ANKRD52: variants seen among roughly 807,000 people sequenced by gnomAD.
The protein encoded by ANKRD52 is ankyrin repeat domain 52.
In ANKRD52, 7 loss-of-function variants were observed where a neutral mutation model predicts 116.0. The ratio of observed to expected loss-of-function variants is 0.06; its 90% CI spans 0.03 to 0.11. The LOEUF (loss-of-function observed/expected upper bound fraction) is 0.11. ANKRD52 is among the 10% of genes least tolerant of loss of function. The probability of loss-of-function intolerance (pLI) is 1.00; values close to 1 mark genes in which losing one functional copy is unlikely to be tolerated. For missense variants in ANKRD52, 839 were observed against 1,408.6 expected (o/e 0.60, Z 6.47); for synonymous variants, 528 against 578.1 (o/e 0.91, Z 1.24).
chr12:56,240,095 G>A lies in ANKRD52; in HGVS notation c.*3047C>T, dbSNP rs1163218044. On this transcript the variant is annotated 3_prime_UTR_variant, in exon 28 of 28. Transcript: ENST00000267116. This position sits in a 1 kb window ranked among gnomAD's most constrained non-coding sequence, Gnocchi z 4.2. ...CCCAACCTGGGCTGTACATTCAGTGGTTTTCAGCAGTCCTATGGCTCAGGG... is the reference window on the plus strand; with the variant it reads ...CCCAACCTGGGCTGTACATTCAGTGATTTTCAGCAGTCCTATGGCTCAGGG... The A allele has an allele frequency of 1.3e-5, 2 of 152,148 alleles. No homozygotes were observed. Among genetic ancestry groups the A allele is most frequent in the Non-Finnish European group, 2.9e-5 (2 of 68,072 alleles). 9.4% of individuals were successfully genotyped at this position (152,148 alleles called of 1,614,324 possible). A position where few individuals can be genotyped will look rare whatever the true frequency, so the allele number is the denominator to read the frequency against.
chr12:56,253,814 G>A lies in ANKRD52; in HGVS notation c.907-14C>T. On this transcript the variant is annotated splice_polypyrimidine_tract_variant and intron_variant, in intron 8 of 27. Transcript: ENST00000267116. This position sits in a 1 kb window ranked among gnomAD's most constrained non-coding sequence, Gnocchi z 5.5. ...CCCTTCTTTGCTCTGTGGAAACATG[G>A]TGGGTTTTTGTTTTTGTTTTTTTTT... 1 of 1,613,032 alleles carries A rather than the reference G, an allele frequency of 6.2e-7. No homozygotes were observed. Among genetic ancestry groups the A allele is most frequent in the Non-Finnish European group, 8.5e-7 (1 of 1,179,476 alleles).
chr12:56,244,032 C>T lies in ANKRD52; in HGVS notation c.2888+19G>A, dbSNP rs984467775. On this transcript the variant is annotated intron_variant, in intron 26 of 27. Coordinates refer to ENST00000267116, the MANE Select transcript of ANKRD52 (RefSeq NM_173595.4). This position sits in a 1 kb window ranked among gnomAD's most constrained non-coding sequence, Gnocchi z 4.9. ...CACTGGCCTCCCCCAGCCAGGAGCC[C>T]CCTTCCCCAGGCACTCACATCTGCA... 9 of 1,613,264 alleles carry T rather than the reference C, an allele frequency of 5.6e-6. No homozygotes were observed. The highest frequency in any genetic ancestry group is 7.6e-6 in the Non-Finnish European group (9 of 1,179,664).
rs1238545353 is a variant in ANKRD52 at position 56,244,533 on chromosome 12, C to T, written c.2723-98G>A. The T allele has an allele frequency of 4.4e-6, 7 of 1,597,092 alleles. No individual in the cohort carries two copies. Among genetic ancestry groups the T allele is most frequent in the Non-Finnish European group, 8.5e-7 (1 of 1,170,340 alleles). On this transcript the variant is annotated intron_variant, in intron 24 of 27. Coordinates refer to ENST00000267116, the MANE Select transcript of ANKRD52 (RefSeq NM_173595.4). The surrounding 1 kb of genome is among the most constrained non-coding windows in gnomAD (Gnocchi z 4.9). ...ATCCCGTCTGCAGATGGCGAGACAT[C>T]CAAAGACAACCCTCTTGCTTTCTGA...
In ANKRD52 at chr12:56,245,462, C is replaced by G. The variant is rs777217769; in HGVS notation, c.2319G>C (p.Leu773=). The part of the protein sequence containing the change: ...ACGHTAVLRT[L]LQAALSTDPL... ...GATCTGTGGAAAGGGCAGCCTGCAGCAGGGTCCGCAGTACTGCAGTGTGGC... is the reference window on the plus strand; with the variant it reads ...GATCTGTGGAAAGGGCAGCCTGCAGGAGGGTCCGCAGTACTGCAGTGTGGC... The change falls in exon 21 of 28, where the codon CTG becomes CTC. Residue 773 remains leucine (L), a synonymous_variant. Coordinates refer to ENST00000267116, the MANE Select transcript of ANKRD52 (RefSeq NM_173595.4). 4 of 1,612,774 alleles carry G rather than the reference C, an allele frequency of 2.5e-6. No individual in the cohort carries two copies. The highest frequency in any genetic ancestry group is 3.4e-6 in the Non-Finnish European group (4 of 1,179,476).
intron 20 of ANKRD52, among the ~76,000 whole-genome samples, chr12:56,246,300 G>A: frequency 6.6e-6 from 1 of 152,142 alleles, no homozygotes; most frequent in Non-Finnish European, 1.5e-5. Flanking sequence ...AAAGTGCTGG[G>A]ATTACAGACG....
rs2135874029 is a variant in ANKRD52, at chr12:56,241,251, T to C, written c.*1891A>G. 6.6e-6 allele frequency: 1 copy of C among 151,992 alleles called. No homozygotes were observed. The highest frequency in any genetic ancestry group is 2.4e-5 in the African/African-American group (1 of 41,446). 9.4% of individuals were successfully genotyped at this position (151,992 alleles called of 1,614,324 possible). ...TAATGGTCATTTGGAAGCCTTGAAA[T>C]GATTTAGGAACTGAGGGTTGGGAGA... On this transcript the variant is annotated 3_prime_UTR_variant, in exon 28 of 28. Transcript: ENST00000267116.
chr12:56,242,482 G>A lies in ANKRD52; in HGVS notation c.*660C>T. ...CCTTGATTTGCATATGAGGAGCCAG[G>A]GGAGAGTGCAGGATTGGGGCCCAGG... On this transcript the variant is annotated 3_prime_UTR_variant, in exon 28 of 28. Coordinates refer to ENST00000267116, the MANE Select transcript of ANKRD52 (RefSeq NM_173595.4). This position sits in a 1 kb window ranked among gnomAD's most constrained non-coding sequence, Gnocchi z 4.3. 1 of 300,282 alleles carries A rather than the reference G, an allele frequency of 3.3e-6. No individual in the cohort carries two copies. The highest frequency in any genetic ancestry group is 6.1e-6 in the Non-Finnish European group (1 of 163,790). The allele number at this position is 300,282 out of a possible 1,614,324, so 18.6% of individuals were successfully genotyped here. A position where few individuals can be genotyped will look rare whatever the true frequency, so the allele number is the denominator to read the frequency against.
At chr12:56,256,112 C>A in intron 4 of ANKRD52, 128 bp from the exon 5 acceptor site, 1 of 924,204 alleles carries the variant, frequency 1.1e-6, no homozygotes, top group Non-Finnish European at 1.6e-6. Flanking sequence ...CTCATTTTTC[C>A]AACATACCTA....
Position 56,237,857 on chromosome 12 carries a change from C to A in ANKRD52, c.*5285G>T. On this transcript the variant is annotated 3_prime_UTR_variant, in exon 28 of 28. Coordinates refer to ENST00000267116, the MANE Select transcript of ANKRD52 (RefSeq NM_173595.4). ...AGAACCCATCCCAAAGCCATGACTA[C>A]GACAGTTGTACTTGCACCAAAACAG... 1 of 1,189,262 alleles carries A rather than the reference C, an allele frequency of 8.4e-7. No homozygotes were observed. 73.7% of individuals were successfully genotyped at this position (1,189,262 alleles called of 1,614,324 possible).
intron 15 of ANKRD52, among the ~76,000 whole-genome samples, chr12:56,249,079 C>G (rs1000156605): frequency 7.2e-5 from 11 of 152,246 alleles, no homozygotes; most frequent in African/African-American, 2.4e-4. Context: ...CTGAACCCCT[C>G]TGGCTTCAAT....
chr12:56,247,838 T>C (rs1871490622), intron 18 of ANKRD52, 64 bp from the exon 19 acceptor site: 1 of 1,525,214 alleles, frequency 6.6e-7, no homozygotes, highest in African/African-American at 1.4e-5. Context: ...AGGTCAAGCC[T>C]AAAGGACTTG....
chr12:56,243,294 C>T lies in ANKRD52; in HGVS notation c.3079G>A (p.Val1027Ile), dbSNP rs759566321. The T allele has an allele frequency of 3.1e-5, 50 of 1,614,004 alleles. No homozygotes were observed. In the East Asian group the frequency reaches 5.8e-4, roughly 19 times the overall value. Residue 1027 changes from valine (V) to isoleucine (I), a missense_variant, in exon 28 of 28, where the codon GTC becomes ATC. This residue lies in a region of ANKRD52 where 552 missense variants were observed against 810.6 expected (regional missense o/e 0.68). Transcript: ENST00000267116. The surrounding 1 kb of genome is among the most constrained non-coding windows in gnomAD (Gnocchi z 4.6). ...TMKPFPPKDA[V>I]SPFSFSLLKN... is the part of the protein sequence containing the mutation. ...AGCAGGCTGAAGCTGAAAGGACTGA[C>T]GGCGTCCTTGGGTGGGAAAGGCTTC...
Position 56,242,172 on chromosome 12 carries a change from TATAC to T in ANKRD52, c.*966_*969del. ...AGGAAGAACATGGTCCCTCCCTCCA[TATAC>T]ATGCAAACACATGCCTGAAACACAG... On this transcript the variant is annotated 3_prime_UTR_variant, in exon 28 of 28. Transcript: ENST00000267116. The surrounding 1 kb of genome is among the most constrained non-coding windows in gnomAD (Gnocchi z 4.3). 1 of 398,628 alleles carries T rather than the reference TATAC, an allele frequency of 2.5e-6. No homozygotes were observed. Among genetic ancestry groups the T allele is most frequent in the Non-Finnish European group, 4.4e-6 (1 of 226,078 alleles). The allele number at this position is 398,628 out of a possible 1,614,324, so 24.7% of individuals were successfully genotyped here. A position where few individuals can be genotyped will look rare whatever the true frequency, so the allele number is the denominator to read the frequency against.
In ANKRD52 at chr12:56,244,896, C is replaced by A. The variant is rs771446910; in HGVS notation, c.2576+10G>T. 1.2e-6 allele frequency: 2 copies of A among 1,613,946 alleles called. No individual in the cohort carries two copies. The highest frequency in any genetic ancestry group is 1.7e-6 in the Non-Finnish European group (2 of 1,179,868). On this transcript the variant is annotated intron_variant, in intron 23 of 27. Transcript: ENST00000267116. The surrounding 1 kb of genome is among the most constrained non-coding windows in gnomAD (Gnocchi z 4.9). ...CAACTGGGATTCTTCCCAAGTCTTC[C>A]ATCACTCACCGTCCTTTGGCATCTC...
At position 56,243,613 on chromosome 12, in the gene ANKRD52, C is replaced by T. The variant is rs1375860848; in HGVS notation, c.2980+172G>A. On this transcript the variant is annotated intron_variant, in intron 27 of 27. Coordinates refer to ENST00000267116, the MANE Select transcript of ANKRD52 (RefSeq NM_173595.4). The surrounding 1 kb of genome is among the most constrained non-coding windows in gnomAD (Gnocchi z 4.6). The stretch of plus-strand genomic sequence containing the variant: ...GTCAAAGCCTAGGGTGTGGAGTCCT[C>T]CTGACCCTGCAGGCTCCCCTCTGAG... 6.6e-6 allele frequency among the ~76,000 whole-genome samples: 1 copy of T among 152,174 alleles called. No homozygotes were observed. The highest frequency in any genetic ancestry group is 1.5e-5 in the Non-Finnish European group (1 of 68,026).
At chr12:56,258,200 C>A (rs1186402194) in intron 1 of ANKRD52, 43 bp downstream of exon 1, 2 of 1,589,648 alleles carry the variant, frequency 1.3e-6, no homozygotes, top group South Asian at 1.1e-5. Flanking sequence ...ACGGCAGCGC[C>A]GAGCCCTGGA....
In ANKRD52 at chr12:56,258,342, G is replaced by C. The variant is rs1300219133; in HGVS notation, c.-73C>G. ...GCGGCTCCACCGGGGACACGGAGCG[G>C]CCCAGGCGGCGGCTGCGGTGGCGGC... On this transcript the variant is annotated 5_prime_UTR_variant, in exon 1 of 28. Transcript: ENST00000267116. 1 of 1,402,654 alleles carries C rather than the reference G, an allele frequency of 7.1e-7. No homozygotes were observed. Among genetic ancestry groups the C allele is most frequent in the South Asian group, 1.6e-5 (1 of 63,516 alleles). 86.9% of individuals were successfully genotyped at this position (1,402,654 alleles called of 1,614,324 possible).
chr12:56,252,686 G>A lies in ANKRD52; in HGVS notation c.1301+94C>T. On this transcript the variant is annotated intron_variant, in intron 12 of 27. Transcript: ENST00000267116. This position sits in a 1 kb window ranked among gnomAD's most constrained non-coding sequence, Gnocchi z 4.7. ...TTTCTGCTGTGACTGCTTTCATTGT[G>A]AGAGGGGGAATAGATCTGGGCAGGC... The A allele has an allele frequency of 6.5e-7, 1 of 1,535,664 alleles. No individual in the cohort carries two copies. The highest frequency in any genetic ancestry group is 9.0e-7 in the Non-Finnish European group (1 of 1,112,344).
chr12:56,251,709 G>A (rs1005836719), intron 15 of ANKRD52, among the ~76,000 whole-genome samples: 7 of 135,788 alleles, frequency 5.2e-5, no homozygotes, highest in Non-Finnish European at 9.1e-5. Flanking sequence ...CTGCATTCCA[G>A]CCTGGGCAAC....
Sources: gnomAD v4.1 joint callset for allele counts (sites outside exome capture counted in the v4.1 genomes callset) on GRCh38, gnomAD v4.1.1 for gene constraint, gnomAD v4.1.1 regional missense constraint, Gnocchi (gnomAD v3.1) non-coding constraint, MANE v1.5 for transcripts, NCBI Gene and HGNC (gene_info 2026-07-23, HGNC 2026-07-21) for gene names.